CLSTN2: variants seen among roughly 807,000 people sequenced by gnomAD.
CLSTN2 encodes calsyntenin-2.
A neutral mutation model predicts 101.2 loss-of-function variants in CLSTN2; 48 were observed. The observed-to-expected ratio is 0.47, with a 90% CI of 0.38 to 0.60. The LOEUF is 0.60. CLSTN2 is among the 20% of genes least tolerant of loss of function. The probability of loss-of-function intolerance (pLI) is 0.00; values close to 1 mark genes in which losing one functional copy is unlikely to be tolerated. For missense variants in CLSTN2, 1,160 were observed against 1,238.2 expected, an observed-to-expected ratio of 0.94 and a Z score of 0.95; for synonymous variants, 481 against 463.6, an observed-to-expected ratio of 1.04 and a Z score of -0.48.
chr3:140,482,994 G>A (rs1934153066), intron 8 of CLSTN2, among the ~76,000 whole-genome samples: 1 of 152,128 alleles, frequency 6.6e-6, no homozygotes, highest in Admixed American at 6.5e-5. Context: ...GCTTTTGAAT[G>A]TGTTTACTCT....
At chr3:140,287,741 G>A (rs537942208) in intron 2 of CLSTN2, among the ~76,000 whole-genome samples, 65 of 152,222 alleles carry the variant, frequency 4.3e-4, no homozygotes, top group Admixed American at 1.0e-3. Context: ...CTGAACAGAG[G>A]CTCAGAGATA....
chr3:140,028,346 T>TA (rs1355556972), intron 1 of CLSTN2, among the ~76,000 whole-genome samples: 1 of 152,188 alleles, frequency 6.6e-6, no homozygotes, highest in Non-Finnish European at 1.5e-5. Flanking sequence ...ATCATTGTGC[T>TA]GGAGCCTTTT....
At chr3:139,999,389 A>G (rs1415495218) in intron 1 of CLSTN2, among the ~76,000 whole-genome samples, 1 of 152,142 alleles carries the variant, frequency 6.6e-6, no homozygotes, top group African/African-American at 2.4e-5. Context: ...AAATTTGTCC[A>G]GGGTGAAGTT....
chr3:140,514,351 T>A (rs1262546586), intron 8 of CLSTN2, among the ~76,000 whole-genome samples: 1 of 152,172 alleles, frequency 6.6e-6, no homozygotes, highest in Non-Finnish European at 1.5e-5. Context: ...CACTCATGAG[T>A]GAGAACATAT....
At chr3:140,181,276 T>C (rs2010403818) in intron 2 of CLSTN2, among the ~76,000 whole-genome samples, 1 of 152,198 alleles carries the variant, frequency 6.6e-6, no homozygotes, top group Non-Finnish European at 1.5e-5. Flanking sequence ...CTCTCTCTGG[T>C]AGCCAGTAGA....
At chr3:140,426,388 TGTTCCTGCATTA>T (rs2088565258) in intron 5 of CLSTN2, among the ~76,000 whole-genome samples, 1 of 152,264 alleles carries the variant, frequency 6.6e-6, no homozygotes, top group East Asian at 1.9e-4. Flanking sequence ...TTTGGTTTTC[TGTTCCTGCATTA>T]GTTTGCTGAG....
intron 8 of CLSTN2, among the ~76,000 whole-genome samples, chr3:140,473,915 G>A (rs1372991870): frequency 6.6e-6 from 1 of 151,940 alleles, no homozygotes; most frequent in Non-Finnish European, 1.5e-5. Flanking sequence ...CCGCTACCAC[G>A]CCAGGCTAAT....
Position 140,465,518 on chromosome 3 carries a change from C to A in CLSTN2, c.1223-1092C>A, listed in dbSNP as rs116379726. Among the ~76,000 whole-genome samples the A allele has an allele frequency of 2.4e-3, 362 of 152,282 alleles. 2 individuals carry two copies. The highest frequency in any genetic ancestry group is 8.3e-3 in the African/African-American group (347 of 41,562). ...ACATGGTCATGGATCCTGAACAAGTCATGTGCTGGGCGATTCTCATGAGCC... is the reference window on the plus strand; with the variant it reads ...ACATGGTCATGGATCCTGAACAAGTAATGTGCTGGGCGATTCTCATGAGCC... On this transcript the variant is annotated intron_variant, in intron 7 of 16. Transcript: ENST00000458420.
intron 1 of CLSTN2, among the ~76,000 whole-genome samples, chr3:140,102,196 C>T (rs1298053877): frequency 2.0e-5 from 3 of 152,200 alleles, no homozygotes; most frequent in South Asian, 2.1e-4. Flanking sequence ...AGGACACCAT[C>T]ACATGCATTG....
intron 1 of CLSTN2, among the ~76,000 whole-genome samples, chr3:139,959,294 G>A (rs2007634): frequency 0.52 from 78,834 of 152,000 alleles, 22,749 homozygotes; most frequent in Admixed American, 0.67. Flanking sequence ...CTTGCCATTT[G>A]CTGCTTAGCT....
chr3:140,566,307 G>C lies in CLSTN2; in HGVS notation c.*54G>C, dbSNP rs1240528661. 4 of 1,498,682 alleles carry C rather than the reference G, an allele frequency of 2.7e-6. No individual in the cohort carries two copies. Among genetic ancestry groups the C allele is most frequent in the Non-Finnish European group, 2.7e-6 (3 of 1,100,596 alleles). The allele number at this position is 1,498,682 out of a possible 1,614,324, so 92.8% of individuals were successfully genotyped here. ...TGTCCCTTTTGTAAACCCTGACCCA[G>C]TGTATGCCCATGTCTATCATACCTC... On this transcript the variant is annotated 3_prime_UTR_variant, in exon 17 of 17. Coordinates refer to ENST00000458420, the MANE Select transcript of CLSTN2 (RefSeq NM_022131.3).
At position 140,576,359 on chromosome 3, in the gene CLSTN2, C is replaced by T. The variant is rs891040996; in HGVS notation, c.*10106C>T. 6.6e-6 allele frequency: 1 copy of T among 152,192 alleles called. No individual in the cohort carries two copies. The highest frequency in any genetic ancestry group is 6.5e-5 in the Admixed American group (1 of 15,284). 9.4% of individuals were successfully genotyped at this position (152,192 alleles called of 1,614,324 possible). On this transcript the variant is annotated 3_prime_UTR_variant, in exon 17 of 17. Coordinates refer to ENST00000458420, the MANE Select transcript of CLSTN2 (RefSeq NM_022131.3). The stretch of plus-strand genomic sequence containing the variant: ...AGCTGTAGCTTGTCTCTACTATTGT[C>T]TCTACACCGTTGCCCAAACACTTGG...
At chr3:140,321,222 G>A (rs1207917716) in intron 2 of CLSTN2, among the ~76,000 whole-genome samples, 4 of 152,150 alleles carry the variant, frequency 2.6e-5, no homozygotes, top group Admixed American at 2.6e-4. Context: ...TTGAAGAAGA[G>A]TTAGAAAGGG....
In CLSTN2 at chr3:140,014,415, C is replaced by T. The variant is rs534370192; in HGVS notation, c.109+78932C>T. On this transcript the variant is annotated intron_variant, in intron 1 of 16. Transcript: ENST00000458420. ...TGTGTTTTTAGTAGAGACGGAGTTT[C>T]ACTATGTTGGCCAGGCTGGTCTCAA... Among the ~76,000 whole-genome samples, 29 of 152,092 alleles carry T rather than the reference C, an allele frequency of 1.9e-4. No homozygotes were observed. The South Asian group carries it at 5.8e-3, about 31-fold the overall frequency.
chr3:140,060,748 T>C (rs2008190577), intron 1 of CLSTN2, among the ~76,000 whole-genome samples: 2 of 152,198 alleles, frequency 1.3e-5, no homozygotes, highest in African/African-American at 4.8e-5. Flanking sequence ...GGGTAACTGG[T>C]GTTAACCACA....
intron 2 of CLSTN2, among the ~76,000 whole-genome samples, chr3:140,257,109 CAG>C: frequency 6.6e-6 from 1 of 152,186 alleles, no homozygotes; most frequent in East Asian, 1.9e-4. Context: ...CAGTGTTCAC[CAG>C]AGTGACTGAA....
intron 8 of CLSTN2, among the ~76,000 whole-genome samples, chr3:140,471,556 A>G (rs930459755): frequency 1.3e-5 from 2 of 152,218 alleles, no homozygotes; most frequent in African/African-American, 2.4e-5. Context: ...AGGGATCAAG[A>G]GAAGAACAAC....
chr3:140,233,513 C>G (rs2107861890), intron 2 of CLSTN2, among the ~76,000 whole-genome samples: 1 of 152,278 alleles, frequency 6.6e-6, no homozygotes, highest in Non-Finnish European at 1.5e-5. Flanking sequence ...ATTTATCTTA[C>G]CTGCCATATA....
intron 9 of CLSTN2, among the ~76,000 whole-genome samples, chr3:140,545,594 G>A (rs1451987084): frequency 1.3e-5 from 2 of 152,232 alleles, no homozygotes; most frequent in African/African-American, 2.4e-5. Context: ...GAGATGGAAG[G>A]AGCCTGTGCT....
Sources: gnomAD v4.1 joint callset for allele counts (sites outside exome capture counted in the v4.1 genomes callset) on GRCh38, gnomAD v4.1.1 for gene constraint, MANE v1.5 for transcripts, NCBI Gene and HGNC (gene_info 2026-07-23, HGNC 2026-07-21) for gene names.